SGMS1: variants seen among roughly 807,000 people sequenced by gnomAD.
SGMS1 encodes the protein phosphatidylcholine:ceramide cholinephosphotransferase 1.
SGMS1 carries 13 observed loss-of-function variants against 46.2 expected under a neutral mutation model. The observed-to-expected ratio is 0.28, with a 90% CI of 0.18 to 0.45. SGMS1 has a LOEUF of 0.45. Among genes scored for constraint, SGMS1 ranks in the 20% least tolerant of loss-of-function variants. SGMS1 has a pLI of 1.00. For missense variants in SGMS1, 324 were observed against 519.9 expected (o/e 0.62, Z 3.66); for synonymous variants, 203 against 187.8 (o/e 1.08, Z -0.66).
chr10:50,603,608 T>C (rs1286670053), intron 1 of SGMS1, among the ~76,000 whole-genome samples: 1 of 152,150 alleles, frequency 6.6e-6, no homozygotes, highest in Non-Finnish European at 1.5e-5. Flanking sequence ...AAATGGTAAC[T>C]CAAGGCAACA....
chr10:50,380,252 G>A (rs1189171988), intron 6 of SGMS1, among the ~76,000 whole-genome samples: 3 of 151,812 alleles, frequency 2.0e-5, no homozygotes, highest in Non-Finnish European at 2.9e-5. Context: ...ATGGTGGTAT[G>A]TGCCTGTAGC....
intron 7 of SGMS1, chr10:50,343,258 TA>T (rs1164639858): frequency 2.8e-5 from 12 of 430,728 alleles, no homozygotes; most frequent in Non-Finnish European, 4.9e-5. Context: ...GCATCATCTC[TA>T]ACCATCTTAT....
chr10:50,616,372 G>A (rs887522002), intron 1 of SGMS1, among the ~76,000 whole-genome samples: 1 of 152,162 alleles, frequency 6.6e-6, no homozygotes. Flanking sequence ...CTGGGCTCAA[G>A]TGATCCTCCC....
chr10:50,457,208 A>AATGG (rs1433002991), intron 5 of SGMS1, among the ~76,000 whole-genome samples: 1 of 152,250 alleles, frequency 6.6e-6, no homozygotes, highest in African/African-American at 2.4e-5. Flanking sequence ...GCTAAGTAAA[A>AATGG]ATGGATATAA....
At chr10:50,563,627 C>CA (rs1254420967) in intron 2 of SGMS1, among the ~76,000 whole-genome samples, 1 of 148,832 alleles carries the variant, frequency 6.7e-6, no homozygotes, top group East Asian at 2.0e-4. Flanking sequence ...CCTGTAGTCC[C>CA]AGCTACTTGG....
chr10:50,543,305 G>A (rs1184941469), intron 2 of SGMS1, among the ~76,000 whole-genome samples: 3 of 152,222 alleles, frequency 2.0e-5, no homozygotes, highest in African/African-American at 4.8e-5. Flanking sequence ...AGAGACATAA[G>A]GCAGGGCACT....
chr10:50,515,596 G>T (rs1490664171), intron 3 of SGMS1, among the ~76,000 whole-genome samples: 4 of 152,202 alleles, frequency 2.6e-5, no homozygotes, highest in Non-Finnish European at 5.9e-5. Context: ...AGAGCCTGAT[G>T]GCTCCACTGG....
intron 6 of SGMS1, among the ~76,000 whole-genome samples, chr10:50,420,817 T>C (rs532880051): frequency 1.3e-5 from 2 of 152,242 alleles, no homozygotes; most frequent in Admixed American, 6.5e-5. Flanking sequence ...GAGAGATACT[T>C]TGAGATCTAT....
chr10:50,557,385 C>A (rs986493999), intron 2 of SGMS1, among the ~76,000 whole-genome samples: 1 of 151,820 alleles, frequency 6.6e-6, no homozygotes, highest in African/African-American at 2.4e-5. Flanking sequence ...AAAAAGAATT[C>A]TTGAGTGATA....
At chr10:50,455,278 T>C (rs1449255049) in intron 5 of SGMS1, among the ~76,000 whole-genome samples, 1 of 152,214 alleles carries the variant, frequency 6.6e-6, no homozygotes, top group African/African-American at 2.4e-5. Flanking sequence ...CAGGCCCTAT[T>C]TGACACCAAT....
chr10:50,485,807 T>A (rs746415723), intron 3 of SGMS1, among the ~76,000 whole-genome samples: 4 of 151,992 alleles, frequency 2.6e-5, no homozygotes, highest in Non-Finnish European at 5.9e-5. Flanking sequence ...GGCTGAGGCA[T>A]GAGAATCACT....
At chr10:50,418,141 G>C (rs768929980) in intron 6 of SGMS1, 1 of 152,164 alleles carries the variant, frequency 6.6e-6, no homozygotes, top group Non-Finnish European at 1.5e-5. Context: ...TCGCGCTCAG[G>C]GTGCGCGCAG....
intron 3 of SGMS1, among the ~76,000 whole-genome samples, chr10:50,491,164 A>C (rs1370465169): frequency 6.6e-5 from 10 of 152,098 alleles, no homozygotes; most frequent in Admixed American, 2.0e-4. Context: ...TGGGGAATGC[A>C]GGGAGGCCCC....
chr10:50,534,891 T>C (rs190648010), intron 2 of SGMS1, among the ~76,000 whole-genome samples: 304 of 152,346 alleles, frequency 2.0e-3, no homozygotes, highest in Non-Finnish European at 3.3e-3. Flanking sequence ...TTCCAGCTTA[T>C]GGCATCAGAC....
chr10:50,423,821 C>T (rs1198721529), intron 6 of SGMS1, among the ~76,000 whole-genome samples: 1 of 152,166 alleles, frequency 6.6e-6, no homozygotes, highest in Non-Finnish European at 1.5e-5. Context: ...TAATACTGTA[C>T]TCAAACTCCA....
chr10:50,549,825 A>T (rs2133830494), intron 2 of SGMS1, among the ~76,000 whole-genome samples: 1 of 152,322 alleles, frequency 6.6e-6, no homozygotes, highest in East Asian at 1.9e-4. Flanking sequence ...GAAATGAAAA[A>T]TTTTAAATGC....
At chr10:50,578,634 G>C (rs558595171) in intron 2 of SGMS1, among the ~76,000 whole-genome samples, 1 of 151,998 alleles carries the variant, frequency 6.6e-6, no homozygotes, top group African/African-American at 2.4e-5. Flanking sequence ...AGAACACCAA[G>C]CTAATGCTCA....
At chr10:50,359,775 A>C (rs1190882899) in intron 6 of SGMS1, among the ~76,000 whole-genome samples, 1 of 152,136 alleles carries the variant, frequency 6.6e-6, no homozygotes, top group African/African-American at 2.4e-5. Flanking sequence ...TCTGCCACAG[A>C]CTGTACTGTA....
chr10:50,407,328 C>A (rs182879057), intron 6 of SGMS1, among the ~76,000 whole-genome samples: 1 of 152,208 alleles, frequency 6.6e-6, no homozygotes, highest in Admixed American at 6.5e-5. Flanking sequence ...GTAATAAAAC[C>A]ACAAAAATGT....
Sources: gnomAD v4.1 joint callset for allele counts (sites outside exome capture counted in the v4.1 genomes callset) on GRCh38, gnomAD v4.1.1 for gene constraint, MANE v1.5 for transcripts, NCBI Gene and HGNC (gene_info 2026-07-23, HGNC 2026-07-21) for gene names.